The following LRP1B variants were observed in gnomAD, a reference collection of about 807,000 sequenced individuals.
LRP1B encodes the protein LDL receptor related protein 1B, also known as low-density lipoprotein receptor-related protein 1B.
In LRP1B, 217 loss-of-function variants were observed where a neutral mutation model predicts 556.6. The observed-to-expected ratio is 0.39, with a 90% CI of 0.35 to 0.44. LRP1B has a LOEUF of 0.44. Ranked by LOEUF, LRP1B falls within the 20% of genes least tolerant of loss-of-function variation. LRP1B has a pLI of 1.00. For missense variants in LRP1B, 5,053 were observed against 5,620.8 expected, an observed-to-expected ratio of 0.90 and a Z score of 3.23; for synonymous variants, 2,047 against 1,865.8, an observed-to-expected ratio of 1.10 and a Z score of -2.50.
intron 2 of LRP1B, among the ~76,000 whole-genome samples, chr2:141,683,357 A>G (rs1691173039): frequency 6.6e-6 from 1 of 152,138 alleles, no homozygotes; most frequent in Admixed American, 6.6e-5. Context: ...GGAAACTTAC[A>G]TCATCTTACA....
chr2:140,822,428 C>G (rs1691359794), intron 31 of LRP1B, among the ~76,000 whole-genome samples: 1 of 152,172 alleles, frequency 6.6e-6, no homozygotes, highest in Non-Finnish European at 1.5e-5. Context: ...TGATACACTT[C>G]TATTTTAAGT....
chr2:141,792,880 T>A (rs111768987), intron 2 of LRP1B, among the ~76,000 whole-genome samples: 1 of 151,996 alleles, frequency 6.6e-6, no homozygotes, highest in Admixed American at 6.6e-5. Context: ...TTCCAAAGAT[T>A]AAGAAAAATA....
chr2:142,093,406 C>T (rs1706244714), intron 1 of LRP1B, among the ~76,000 whole-genome samples: 1 of 152,086 alleles, frequency 6.6e-6, no homozygotes, highest in African/African-American at 2.4e-5. Context: ...TGATTTAACA[C>T]TTGGGGTGCA....
At chr2:141,609,076 A>G (rs72978028) in intron 2 of LRP1B, among the ~76,000 whole-genome samples, 4,649 of 152,272 alleles carry the variant, frequency 0.031, 259 homozygotes, top group African/African-American at 0.1. Context: ...TAAATTCAAT[A>G]TATATTTCTA....
At chr2:140,242,596 T>C (rs1314840992) in intron 87 of LRP1B, among the ~76,000 whole-genome samples, 3 of 151,126 alleles carry the variant, frequency 2.0e-5, no homozygotes, top group African/African-American at 7.3e-5. Context: ...TTCACTATAG[T>C]AGCATGAATG....
At chr2:141,624,032 T>TAAAAAAAAAAAA (rs761446527) in intron 2 of LRP1B, among the ~76,000 whole-genome samples, 5 of 14,454 alleles carry the variant, frequency 3.5e-4, no homozygotes, top group Non-Finnish European at 3.5e-4. Flanking sequence ...AAAAAAAAAT[T>TAAAAAAAAAAAA]AAACAAAAAA....
chr2:141,644,305 C>T (rs1175562451), intron 2 of LRP1B, among the ~76,000 whole-genome samples: 1 of 151,866 alleles, frequency 6.6e-6, no homozygotes, highest in African/African-American at 2.4e-5. Flanking sequence ...GAATAAGTCC[C>T]ATGAAGTCTG....
intron 5 of LRP1B, among the ~76,000 whole-genome samples, chr2:141,246,420 G>A (rs1210356596): frequency 6.6e-6 from 1 of 152,338 alleles, no homozygotes; most frequent in East Asian, 1.9e-4. Context: ...GGCCCTTAGA[G>A]ATCCTGTGAG....
intron 79 of LRP1B, among the ~76,000 whole-genome samples, chr2:140,332,080 T>C (rs1680845935): frequency 6.6e-6 from 1 of 152,062 alleles, no homozygotes; most frequent in Non-Finnish European, 1.5e-5. Context: ...AAATAATCCC[T>C]TGAGATTCAA....
intron 57 of LRP1B, among the ~76,000 whole-genome samples, chr2:140,491,290 A>G (rs2105371703): frequency 1.3e-5 from 2 of 152,238 alleles, no homozygotes; most frequent in South Asian, 2.1e-4. Flanking sequence ...TATTCTAAAG[A>G]GATAACTTTA....
intron 5 of LRP1B, among the ~76,000 whole-genome samples, chr2:141,239,765 G>A (rs1353051034): frequency 1.3e-5 from 2 of 151,878 alleles, no homozygotes; most frequent in African/African-American, 4.8e-5. Flanking sequence ...AAATAAGATC[G>A]TCACCTCACA....
chr2:141,398,677 C>T (rs1214521166), intron 3 of LRP1B, among the ~76,000 whole-genome samples: 3 of 152,180 alleles, frequency 2.0e-5, no homozygotes, highest in Non-Finnish European at 4.4e-5. Context: ...TCTAACATTA[C>T]TAAATACCAT....
At chr2:140,629,223 CTTT>C (rs111850159) in intron 41 of LRP1B, among the ~76,000 whole-genome samples, 2 of 133,806 alleles carry the variant, frequency 1.5e-5, no homozygotes, top group Non-Finnish European at 3.3e-5. Context: ...CCAGCTAATT[CTTT>C]TTTTTTTTTT....
At chr2:140,593,424 C>T (rs1682306178) in intron 43 of LRP1B, among the ~76,000 whole-genome samples, 1 of 152,150 alleles carries the variant, frequency 6.6e-6, no homozygotes, top group Non-Finnish European at 1.5e-5. Context: ...GTTTCAGCTA[C>T]TGGAACGAAC....
chr2:141,269,397 T>C (rs1328888377), intron 3 of LRP1B, among the ~76,000 whole-genome samples: 1 of 152,144 alleles, frequency 6.6e-6, no homozygotes, highest in Non-Finnish European at 1.5e-5. Flanking sequence ...AGCATTTTTT[T>C]AAACTAATAG....
At chr2:141,859,497 A>G (rs1019303919) in intron 1 of LRP1B, among the ~76,000 whole-genome samples, 1 of 152,150 alleles carries the variant, frequency 6.6e-6, no homozygotes, top group African/African-American at 2.4e-5. Context: ...TGGAAACACA[A>G]ATTTTTTCAT....
At chr2:140,604,551 C>T (rs1410516495) in intron 41 of LRP1B, among the ~76,000 whole-genome samples, 1 of 152,080 alleles carries the variant, frequency 6.6e-6, no homozygotes, top group African/African-American at 2.4e-5. Flanking sequence ...AGCAATAGCC[C>T]CTTCTGGTCT....
At chr2:142,107,897 C>A (rs1024401277) in intron 1 of LRP1B, among the ~76,000 whole-genome samples, 3 of 149,792 alleles carry the variant, frequency 2.0e-5, no homozygotes, top group South Asian at 2.1e-4. Context: ...CCGCCCACCT[C>A]GGCCTCCCAA....
chr2:140,509,818 A>T lies in LRP1B; in HGVS notation c.8398+110T>A, dbSNP rs1025397454. ...TAAGTCCAATACTACCTATGGGCCC[A>T]GGAACTAGGAAAGCAATGGGAAATG... On this transcript the variant is annotated intron_variant, in intron 52 of 90. Coordinates refer to ENST00000389484, the MANE Select transcript of LRP1B (RefSeq NM_018557.3). 5 of 1,457,300 alleles carry T rather than the reference A, an allele frequency of 3.4e-6. No homozygotes were observed. The African/African-American group carries it at 7.1e-5, about 21-fold the overall frequency. 90.3% of individuals were successfully genotyped at this position (1,457,300 alleles called of 1,614,324 possible).
Sources: allele counts gnomAD v4.1 joint callset (sites outside exome capture counted in the v4.1 genomes callset), GRCh38; gene constraint gnomAD v4.1.1; transcripts MANE v1.5; gene names NCBI Gene and HGNC (gene_info 2026-07-23, HGNC 2026-07-21).